ACSM1: variants seen among roughly 807,000 people sequenced by gnomAD.
ACSM1 encodes the protein acyl-coenzyme A synthetase ACSM1, mitochondrial.
Under a neutral mutation model 75.8 loss-of-function variants are expected in ACSM1, and 79 were observed. The observed-to-expected ratio is 1.04, with a 90% CI of 0.87 to 1.26. The LOEUF (loss-of-function observed/expected upper bound fraction) is 1.26, where lower values mean the gene tolerates loss of function less well. Among genes scored for constraint, ACSM1 ranks in the 50% most tolerant of loss-of-function variants. The probability of loss-of-function intolerance (pLI) is 0.00; values close to 1 mark genes in which losing one functional copy is unlikely to be tolerated. For synonymous variants in ACSM1, 279 were observed against 265.8 expected (o/e 1.05, Z -0.48); for missense variants, 676 against 720.1 (o/e 0.94, Z 0.70).
At chr16:20,643,837 TTATC>T (rs2018209178) in intron 7 of ACSM1, among the ~76,000 whole-genome samples, 1 of 152,190 alleles carries the variant, frequency 6.6e-6, no homozygotes, top group South Asian at 2.1e-4. Flanking sequence ...TTACAATCCT[TTATC>T]TAGACACAGA....
At chr16:20,631,708 T>C (rs1423279935) in intron 10 of ACSM1, among the ~76,000 whole-genome samples, 1 of 152,186 alleles carries the variant, frequency 6.6e-6, no homozygotes, top group Admixed American at 6.5e-5. Context: ...AAATCATGTC[T>C]TTCGTGGCAA....
chr16:20,685,131 C>T (rs1291417947), intron 3 of ACSM1, 62 bp downstream of exon 3: 4 of 1,572,784 alleles, frequency 2.5e-6, no homozygotes, highest in Non-Finnish European at 3.5e-6. Flanking sequence ...CACCTAATAT[C>T]TCAGGACCCA....
chr16:20,691,195 A>G lies in ACSM1; in HGVS notation c.-7T>C. The G allele has an allele frequency of 6.4e-7, 1 of 1,563,084 alleles. No homozygotes were observed. Among genetic ancestry groups the G allele is most frequent in the Non-Finnish European group, 8.6e-7 (1 of 1,158,908 alleles). On this transcript the variant is annotated 5_prime_UTR_variant, in exon 2 of 14. Transcript: ENST00000520010. ...ACCTCATTAGCCACTGCATGGTGAAACAGTCCTCAGAAACCAGGCACAGAG... is the reference window on the plus strand; with the variant it reads ...ACCTCATTAGCCACTGCATGGTGAAGCAGTCCTCAGAAACCAGGCACAGAG...
At chr16:20,657,736 T>G (rs180033) in intron 7 of ACSM1, among the ~76,000 whole-genome samples, 24,763 of 151,594 alleles carry the variant, frequency 0.16, 2,642 homozygotes, top group African/African-American at 0.31. Context: ...TAGGTATATC[T>G]CCTAATGTTA....
chr16:20,671,440 G>GACACAC lies in ACSM1; in HGVS notation c.752+85_752+90dup, dbSNP rs55913255. 3,054 of 970,478 alleles carry GACACAC rather than the reference G, an allele frequency of 3.1e-3. 35 individuals are homozygous for GACACAC. The highest frequency in any genetic ancestry group is 0.03 in the African/African-American group (1,672 of 55,304). 60.1% of individuals were successfully genotyped at this position (970,478 alleles called of 1,614,324 possible). A position where few individuals can be genotyped will look rare whatever the true frequency, so the allele number is the denominator to read the frequency against. ...CTTCTACTTCCAGTTCCTTTCCCAA[G>GACACAC]ACACACACACACACACACACACACA... On this transcript the variant is annotated intron_variant, in intron 5 of 13. Coordinates refer to ENST00000520010, the MANE Select transcript of ACSM1 (RefSeq NM_001318890.3).
At chr16:20,651,530 G>A (rs1173457516) in intron 7 of ACSM1, among the ~76,000 whole-genome samples, 2 of 152,176 alleles carry the variant, frequency 1.3e-5, no homozygotes, top group Non-Finnish European at 2.9e-5. Context: ...TCCAGAGGCT[G>A]AGGCAGGAGA....
chr16:20,662,344 C>T (rs753844424), intron 6 of ACSM1, among the ~76,000 whole-genome samples: 14 of 152,064 alleles, frequency 9.2e-5, no homozygotes, highest in Non-Finnish European at 1.6e-4. Flanking sequence ...AATAGGGTCT[C>T]AGGAGCTAAA....
chr16:20,647,487 C>G (rs1017448199), intron 7 of ACSM1, among the ~76,000 whole-genome samples: 4 of 151,920 alleles, frequency 2.6e-5, no homozygotes, highest in African/African-American at 9.7e-5. Context: ...TTCTGTAACC[C>G]CTAGGATTAA....
intron 7 of ACSM1, among the ~76,000 whole-genome samples, chr16:20,660,774 TC>T (rs1253947990): frequency 1.3e-5 from 2 of 152,136 alleles, no homozygotes; most frequent in Non-Finnish European, 2.9e-5. Context: ...AATTTCAGAG[TC>T]CCTAAAAGAT....
intron 7 of ACSM1, among the ~76,000 whole-genome samples, chr16:20,651,161 G>C (rs1194271218): frequency 6.6e-6 from 1 of 152,130 alleles, no homozygotes; most frequent in Non-Finnish European, 1.5e-5. Context: ...GATTTCACCT[G>C]AGTTGCCTTT....
chr16:20,683,646 CTT>C lies in ACSM1; in HGVS notation c.404-1185_404-1184del, dbSNP rs36182498. 1.0e-3 allele frequency among the ~76,000 whole-genome samples: 137 copies of C among 136,804 alleles called. 3 individuals carry two copies. The highest frequency in any genetic ancestry group is 1.6e-3 in the South Asian group (7 of 4,382). 89.7% of individuals were successfully genotyped at this position (136,804 alleles called of 152,430 possible). A position where few individuals can be genotyped will look rare whatever the true frequency, so the allele number is the denominator to read the frequency against. On this transcript the variant is annotated intron_variant, in intron 3 of 13. Coordinates refer to ENST00000520010, the MANE Select transcript of ACSM1 (RefSeq NM_001318890.3). Reference sequence around the variant, plus strand: ...TTAGCCCAGAGGGCTCAGCTCAAGTCTTTTTTTTTTTTTTTGAGAGTCTTGCC... The same window carrying C: ...TTAGCCCAGAGGGCTCAGCTCAAGTCTTTTTTTTTTTTTGAGAGTCTTGCC...
chr16:20,646,261 T>C (rs1191587133), intron 7 of ACSM1, among the ~76,000 whole-genome samples: 1 of 152,152 alleles, frequency 6.6e-6, no homozygotes, highest in African/African-American at 2.4e-5. Context: ...TTTAAAAAGA[T>C]TGTCTGAATA....
intron 8 of ACSM1, among the ~76,000 whole-genome samples, chr16:20,639,029 T>C (rs1427463356): frequency 6.6e-6 from 1 of 152,196 alleles, no homozygotes. Flanking sequence ...CAAAATAATG[T>C]CAGCTGAGTA....
chr16:20,674,058 C>T (rs1469894949), intron 4 of ACSM1: 2 of 439,876 alleles, frequency 4.5e-6, no homozygotes, highest in Middle Eastern at 3.4e-4. Flanking sequence ...CTACCACTGG[C>T]TGCTTGTCTC....
At chr16:20,672,722 T>C (rs28426994) in intron 4 of ACSM1, among the ~76,000 whole-genome samples, 266 of 126,604 alleles carry the variant, frequency 2.1e-3, no homozygotes, top group African/African-American at 8.2e-3. Flanking sequence ...TACATGTATA[T>C]GTAAGTATAT....
At chr16:20,675,568 A>C (rs2020226032) in intron 4 of ACSM1, among the ~76,000 whole-genome samples, 1 of 152,212 alleles carries the variant, frequency 6.6e-6, no homozygotes, top group African/African-American at 2.4e-5. Flanking sequence ...CTCCTTTTGG[A>C]GTGCATGATA....
intron 7 of ACSM1, among the ~76,000 whole-genome samples, chr16:20,655,205 A>G (rs905738763): frequency 1.4e-5 from 2 of 140,402 alleles, no homozygotes; most frequent in African/African-American, 5.3e-5. Context: ...CAATGAGAAT[A>G]CATGGACACA....
At chr16:20,639,299 T>C (rs555785103) in intron 8 of ACSM1, among the ~76,000 whole-genome samples, 28 of 152,342 alleles carry the variant, frequency 1.8e-4, no homozygotes, top group African/African-American at 6.5e-4. Flanking sequence ...TGTGTGTACA[T>C]GTGTTTGGCA....
At position 20,696,255 on chromosome 16, in the gene ACSM1, C is replaced by G. The variant is rs370539804; in HGVS notation, c.-52+1381G>C. ...CTTGGTTGTTAAGTGATGCATGTCT[C>G]TATCTCTATCACTATCTCTGTCTCT... On this transcript the variant is annotated intron_variant, in intron 1 of 13. Transcript: ENST00000520010. Among the ~76,000 whole-genome samples, 64 of 152,358 alleles carry G rather than the reference C, an allele frequency of 4.2e-4. No homozygotes were observed. In the East Asian group the frequency reaches 0.011, roughly 26 times the overall value.
Sources: gnomAD v4.1 joint callset for allele counts (sites outside exome capture counted in the v4.1 genomes callset) on GRCh38, gnomAD v4.1.1 for gene constraint, MANE v1.5 for transcripts, NCBI Gene and HGNC (gene_info 2026-07-23, HGNC 2026-07-21) for gene names.